Variants in MGAM2 observed in about 807,000 individuals in gnomAD.
MGAM2 encodes the protein probable maltase-glucoamylase 2.
MGAM2 carries 98 observed loss-of-function variants against 96.1 expected under a neutral mutation model. The observed-to-expected ratio is 1.02, with a 90% CI of 0.87 to 1.21. MGAM2 has a LOEUF of 1.21. Ranked by LOEUF, MGAM2 falls within the 50% of genes most tolerant of loss-of-function variation. The pLI is 0.00. For synonymous variants in MGAM2, 749 were observed against 414.8 expected (o/e 1.81, Z -9.79); for missense variants, 2,055 against 1,182.4 (o/e 1.74, Z -10.82).
In MGAM2 at chr7:142,198,844, A is replaced by T. The variant is rs1797135308; in HGVS notation, c.5048+105A>T. ...CCAGGGATATGTGGATTATAAACTAAATTGCCAAACAGCTTTACTGGTCAG... is the reference window on the plus strand; with the variant it reads ...CCAGGGATATGTGGATTATAAACTATATTGCCAAACAGCTTTACTGGTCAG... On this transcript the variant is annotated intron_variant, in intron 44 of 47. Coordinates refer to ENST00000477922, the MANE Select transcript of MGAM2 (RefSeq NM_001293626.2). 3 of 601,980 alleles carry T rather than the reference A, an allele frequency of 5.0e-6. No individual in the cohort carries two copies. In the East Asian group the frequency reaches 8.3e-5, roughly 17 times the overall value. 37.3% of individuals were successfully genotyped at this position (601,980 alleles called of 1,614,324 possible).
rs2129086613 is a variant in MGAM2 at position 142,161,155 on chromosome 7, C to T, written c.2376C>T (p.Ala792=). The T allele has an allele frequency of 1.4e-6, 1 of 702,730 alleles. No individual in the cohort carries two copies. The highest frequency in any genetic ancestry group is 2.6e-6 in the Non-Finnish European group (1 of 384,816). 43.5% of individuals were successfully genotyped at this position (702,730 alleles called of 1,614,324 possible). A position where few individuals can be genotyped will look rare whatever the true frequency, so the allele number is the denominator to read the frequency against. Residue 792 remains alanine, a synonymous_variant, in exon 22 of 48, where the codon GCC becomes GCT. Transcript: ENST00000477922. ...GGAATTCCCTGGGACTCATCATCGC[C>T]TTGGACTATAAGAGAGAAGCAAAGG... ...SRRNSLGLII[A]LDYKREAKGE...
Position 142,162,001 on chromosome 7 carries a change from C to T in MGAM2, c.2481C>T (p.Thr827=), listed in dbSNP as rs908931265. ...ATATTCTATATGATTTCTCTGTTAC[C>T]TCTGTAAGTATTTTGTTTGAGGAAC... ...KKYILYDFSV[T]SNHLQAKIIN... Residue 827 remains threonine (T), a synonymous_variant, in exon 23 of 48, where the codon ACC becomes ACT. Transcript: ENST00000477922. The T allele has an allele frequency of 2.9e-6, 2 of 690,240 alleles. No individual in the cohort carries two copies. Among genetic ancestry groups the T allele is most frequent in the East Asian group, 2.7e-5 (1 of 36,548 alleles). The allele number at this position is 690,240 out of a possible 1,614,324, so 42.8% of individuals were successfully genotyped here.
At chr7:142,203,536 A>T (rs1284509654) in intron 45 of MGAM2, among the ~76,000 whole-genome samples, 3 of 152,164 alleles carry the variant, frequency 2.0e-5, no homozygotes, top group Non-Finnish European at 4.4e-5. Flanking sequence ...GAGCCCAAAT[A>T]GCCAAAGCAA....
Position 142,175,636 on chromosome 7 carries a change from C to T in MGAM2, c.3688-16C>T, listed in dbSNP as rs938311816. 2.8e-6 allele frequency: 2 copies of T among 701,944 alleles called. No individual in the cohort carries two copies. Among genetic ancestry groups the T allele is most frequent in the East Asian group, 2.7e-5 (1 of 37,272 alleles). 43.5% of individuals were successfully genotyped at this position (701,944 alleles called of 1,614,324 possible). ...CTACTGCAGGGTTCCAAGAGCCTTGCTGCTTCTTTCTGCAGGACGTCCAGC... is the reference window on the plus strand; with the variant it reads ...CTACTGCAGGGTTCCAAGAGCCTTGTTGCTTCTTTCTGCAGGACGTCCAGC... On this transcript the variant is annotated splice_polypyrimidine_tract_variant and intron_variant, in intron 31 of 47. Coordinates refer to ENST00000477922, the MANE Select transcript of MGAM2 (RefSeq NM_001293626.2).
chr7:142,138,735 AATGT>A, intron 10 of MGAM2, 68 bp downstream of exon 10: 1 of 654,262 alleles, frequency 1.5e-6, no homozygotes, highest in Non-Finnish European at 2.8e-6. Context: ...CATTAAATTC[AATGT>A]ATTAGGAAAA....
chr7:142,173,682 G>A (rs73547330), intron 31 of MGAM2, among the ~76,000 whole-genome samples: 2,368 of 152,212 alleles, frequency 0.016, 60 homozygotes, highest in African/African-American at 0.054. Flanking sequence ...CAATGCAGGG[G>A]ACTATCCCTT....
At chr7:142,185,664 A>G (rs1311739930) in intron 34 of MGAM2, among the ~76,000 whole-genome samples, 1 of 151,940 alleles carries the variant, frequency 6.6e-6, no homozygotes. Flanking sequence ...ATTTAAGTAA[A>G]AAAAAAAAAG....
chr7:142,173,830 A>G (rs1796280480), intron 31 of MGAM2, among the ~76,000 whole-genome samples: 1 of 152,202 alleles, frequency 6.6e-6, no homozygotes, highest in African/African-American at 2.4e-5. Flanking sequence ...CATTCAAGAA[A>G]GCTATAGAAT....
chr7:142,166,253 G>A lies in MGAM2; in HGVS notation c.2808G>A (p.Glu936=). ...GTAGGCAGCGGGGGTGTCTTTGGGA[G>A]GTAAATGACCAGAAACAGATTACCT... The part of the protein sequence containing the change: ...ESCRQRGCLW[E]DTSTPGVPTC... The change falls in exon 25 of 48, where the codon GAG becomes GAA. Residue 936 remains glutamate (E), a splice_region_variant and synonymous_variant. Coordinates refer to ENST00000477922, the MANE Select transcript of MGAM2 (RefSeq NM_001293626.2). 1 of 696,888 alleles carries A rather than the reference G, an allele frequency of 1.4e-6. No individual in the cohort carries two copies. Among genetic ancestry groups the A allele is most frequent in the Admixed American group, 2.0e-5 (1 of 48,840 alleles). 43.2% of individuals were successfully genotyped at this position (696,888 alleles called of 1,614,324 possible).
intron 47 of MGAM2, among the ~76,000 whole-genome samples, chr7:142,219,576 G>C (rs1797858809): frequency 6.6e-6 from 1 of 152,152 alleles, no homozygotes; most frequent in African/African-American, 2.4e-5. Context: ...AAAGCAAAGA[G>C]ATTTTAATAA....
rs1156275444 is a variant in MGAM2 at position 142,198,736 on chromosome 7, C to G, written c.5045C>G (p.Ser1682Cys). 18 of 703,348 alleles carry G rather than the reference C, an allele frequency of 2.6e-5. No homozygotes were observed. The highest frequency in any genetic ancestry group is 4.7e-5 in the Non-Finnish European group (18 of 384,858). 43.6% of individuals were successfully genotyped at this position (703,348 alleles called of 1,614,324 possible). The part of the protein sequence containing the change: ...PWQEPAMNTH[S>C]SRQNFMGLIV... ...CAAGAGCCTGCTATGAACACTCACT[C>G]CAGGTGAGGAGAAGAGGCAATGTCT... is the stretch of plus-strand genomic sequence containing the variant. Residue 1682 changes from serine (S) to cysteine (C), a missense_variant, in exon 44 of 48, where the codon TCC becomes TGC. Transcript: ENST00000477922.
chr7:142,144,400 C>A (rs926547155), intron 13 of MGAM2, among the ~76,000 whole-genome samples: 2 of 152,162 alleles, frequency 1.3e-5, no homozygotes, highest in African/African-American at 4.8e-5. Context: ...GATTAGACAT[C>A]ACTTATTTTT....
At chr7:142,113,526 GT>G (rs66974460) in intron 1 of MGAM2, among the ~76,000 whole-genome samples, 25,526 of 149,372 alleles carry the variant, frequency 0.17, 2,485 homozygotes, top group East Asian at 0.37. Context: ...AGATTCCTAG[GT>G]TTTTTTTTTA....
chr7:142,200,698 A>G (rs1195364512), intron 45 of MGAM2, among the ~76,000 whole-genome samples: 1 of 152,130 alleles, frequency 6.6e-6, no homozygotes, highest in Admixed American at 6.6e-5. Context: ...TTCACTACTA[A>G]TATTTCTAGA....
In MGAM2 at chr7:142,207,401, CATTTATTT is replaced by C. The variant is rs527841518; in HGVS notation, c.5138-1151_5138-1144del. 1.2e-3 allele frequency among the ~76,000 whole-genome samples: 187 copies of C among 151,826 alleles called. 3 individuals are homozygous for C. The highest frequency in any genetic ancestry group is 3.7e-3 in the African/African-American group (153 of 41,330). On this transcript the variant is annotated intron_variant, in intron 45 of 47. Transcript: ENST00000477922. ...ACACAGACATAACAAGTAAAGGCTA[CATTTATTT>C]ATTTATTTATTTATTTATTTTTATT... is the stretch of plus-strand genomic sequence containing the variant.
At chr7:142,152,297 GTTTC>G (rs1795605045) in intron 15 of MGAM2, among the ~76,000 whole-genome samples, 1 of 152,092 alleles carries the variant, frequency 6.6e-6, no homozygotes, top group Non-Finnish European at 1.5e-5. Context: ...AGCTGAATGT[GTTTC>G]TTTCATGATT....
chr7:142,123,963 C>CCTTTTTTTTTTTTTT (rs1794659812), intron 3 of MGAM2, among the ~76,000 whole-genome samples: 1 of 98,116 alleles, frequency 1.0e-5, no homozygotes, highest in African/African-American at 5.4e-5. Flanking sequence ...AGTCCAGAAA[C>CCTTTTTTTTTTTTTT]TTTTTTTTTT....
At chr7:142,210,810 G>C (rs1360120900) in intron 46 of MGAM2, among the ~76,000 whole-genome samples, 1 of 152,202 alleles carries the variant, frequency 6.6e-6, no homozygotes, top group Non-Finnish European at 1.5e-5. Flanking sequence ...GAGAGCAGTG[G>C]ATCTCCCAGC....
In MGAM2 at chr7:142,197,722, G is replaced by C. The variant is rs1232827551; in HGVS notation, c.4860G>C (p.Leu1620Phe). Residue 1620 changes from leucine to phenylalanine, a missense_variant, in exon 42 of 48, where the codon TTG (leucine) becomes TTC (phenylalanine). Coordinates refer to ENST00000477922, the MANE Select transcript of MGAM2 (RefSeq NM_001293626.2). ...LGPAILISPV[L>F]ETSTFEISAY... ...CTGCTATCTTAATCAGCCCTGTGTT[G>C]GAAACTGTGAGTTCTTCATTGTAGG... is the stretch of plus-strand genomic sequence containing the variant. 2 of 702,874 alleles carry C rather than the reference G, an allele frequency of 2.8e-6. No homozygotes were observed. Among genetic ancestry groups the C allele is most frequent in the East Asian group, 5.4e-5 (2 of 37,278 alleles). The allele number at this position is 702,874 out of a possible 1,614,324, so 43.5% of individuals were successfully genotyped here.
Sources: gnomAD v4.1 joint callset for allele counts (sites outside exome capture counted in the v4.1 genomes callset) on GRCh38, gnomAD v4.1.1 for gene constraint, MANE v1.5 for transcripts, NCBI Gene and HGNC (gene_info 2026-07-23, HGNC 2026-07-21) for gene names.